MAST2: variants seen among roughly 807,000 people sequenced by gnomAD.
The protein encoded by MAST2 is microtubule-associated serine/threonine-protein kinase 2.
Under a neutral mutation model 147.4 loss-of-function variants are expected in MAST2, and 70 were observed. The observed-to-expected ratio is 0.47, with a 90% CI of 0.39 to 0.58. MAST2 has a LOEUF of 0.58. MAST2 is among the 20% of genes least tolerant of loss of function. MAST2 has a pLI of 0.00. For missense variants in MAST2, 2,080 were observed against 2,302.3 expected, an observed-to-expected ratio of 0.90 and a Z score of 1.98; for synonymous variants, 869 against 896.8, an observed-to-expected ratio of 0.97 and a Z score of 0.55.
chr1:45,876,330 G>A (rs374199545), intron 3 of MAST2, among the ~76,000 whole-genome samples: 1 of 152,264 alleles, frequency 6.6e-6, no homozygotes, highest in South Asian at 2.1e-4. Flanking sequence ...AATTGATAAG[G>A]CAGTATTTGA....
At chr1:46,021,839 A>G (rs778132723) in intron 11 of MAST2, 111 bp from the exon 12 acceptor site, 225 of 1,020,608 alleles carry the variant, frequency 2.2e-4, no homozygotes, top group Non-Finnish European at 5.9e-5. Flanking sequence ...GGAGTGTCCT[A>G]TCACAGAGAA....
At chr1:45,987,380 T>C (rs1644668807) in intron 5 of MAST2, among the ~76,000 whole-genome samples, 1 of 152,068 alleles carries the variant, frequency 6.6e-6, no homozygotes, top group African/African-American at 2.4e-5. Flanking sequence ...GTGGCACAAA[T>C]ATGACTCACT....
Position 45,919,020 on chromosome 1 carries a change from G to A in MAST2, c.500+36625G>A, listed in dbSNP as rs376960790. Among the ~76,000 whole-genome samples the A allele has an allele frequency of 6.6e-5, 10 of 152,234 alleles. No homozygotes were observed. The East Asian group carries it at 1.7e-3, about 27-fold the overall frequency. On this transcript the variant is annotated intron_variant, in intron 4 of 28. Coordinates refer to ENST00000361297, the MANE Select transcript of MAST2 (RefSeq NM_015112.3). ...TACCTGTAATCCCTGCTACTCTGGC[G>A]GCTGAGGTGGGAGGATGGCTTGAGC...
At chr1:45,993,258 C>T (rs1390427526) in intron 5 of MAST2, among the ~76,000 whole-genome samples, 3 of 152,126 alleles carry the variant, frequency 2.0e-5, no homozygotes, top group African/African-American at 7.2e-5. Context: ...TCCATATTTC[C>T]ACCTGGCATC....
At chr1:45,956,748 A>T (rs566642371) in intron 4 of MAST2, among the ~76,000 whole-genome samples, 2 of 152,240 alleles carry the variant, frequency 1.3e-5, no homozygotes, top group Non-Finnish European at 1.5e-5. Flanking sequence ...GGCTTTTGGT[A>T]TGGTGGATAC....
At chr1:45,838,413 G>A (rs549860231) in intron 3 of MAST2, among the ~76,000 whole-genome samples, 1 of 150,978 alleles carries the variant, frequency 6.6e-6, no homozygotes, top group African/African-American at 2.4e-5. Context: ...AATAGAGACG[G>A]GGTTTTGCCA....
intron 3 of MAST2, chr1:45,847,253 C>T (rs1271784803): frequency 2.0e-6 from 1 of 512,104 alleles, no homozygotes; most frequent in Non-Finnish European, 3.9e-6. Context: ...CCTCCCGCTC[C>T]ATCGTCTGCT....
intron 5 of MAST2, among the ~76,000 whole-genome samples, chr1:45,995,233 A>G (rs1040084341): frequency 1.3e-5 from 2 of 152,120 alleles, no homozygotes; most frequent in Non-Finnish European, 1.5e-5. Context: ...GTTCCTCTGT[A>G]TAACATATCT....
chr1:45,890,962 T>C (rs1294089866), intron 4 of MAST2, among the ~76,000 whole-genome samples: 1 of 152,246 alleles, frequency 6.6e-6, no homozygotes, highest in African/African-American at 2.4e-5. Context: ...TGTAAAGCTA[T>C]TGATTTTTAA....
At position 46,006,613 on chromosome 1, in the gene MAST2, TAGC is replaced by T. The variant is rs1026820235; in HGVS notation, c.902+221_902+223del. The T allele has an allele frequency of 1.5e-3, 495 of 341,338 alleles. 2 individuals carry two copies. The highest frequency in any genetic ancestry group is 9.3e-3 in the African/African-American group (439 of 47,180). The allele number at this position is 341,338 out of a possible 1,614,324, so 21.1% of individuals were successfully genotyped here. A position where few individuals can be genotyped will look rare whatever the true frequency, so the allele number is the denominator to read the frequency against. The stretch of plus-strand genomic sequence containing the variant: ...TTATTTACAAAAGAAAAAAAAAAAG[TAGC>T]AGGCCATAGTTAGTCTGCAGGCTGT... On this transcript the variant is annotated intron_variant, in intron 8 of 28. Coordinates refer to ENST00000361297, the MANE Select transcript of MAST2 (RefSeq NM_015112.3).
chr1:46,035,561 C>G lies in MAST2; in HGVS notation c.4892C>G (p.Ser1631Cys). ...CACACCCAGGCACTAACAGCACTTTCTCCCAGCACTTCGGGACTCACCCCC... is the reference window on the plus strand; with the variant it reads ...CACACCCAGGCACTAACAGCACTTTGTCCCAGCACTTCGGGACTCACCCCC... Reference protein sequence around the residue: ...HLHTQALTALSPSTSGLTPTS... With the variant: ...HLHTQALTALCPSTSGLTPTS... The change falls in exon 29 of 29, where the codon TCT (serine) becomes TGT (cysteine). Residue 1631 changes from serine (S) to cysteine (C), a missense_variant. This residue lies in a region of MAST2 where 1,278 missense variants were observed against 1,304.2 expected (regional missense o/e 0.98). Transcript: ENST00000361297. This position sits in a 1 kb window ranked among gnomAD's most constrained non-coding sequence, Gnocchi z 5.5. 4 of 1,613,630 alleles carry G rather than the reference C, an allele frequency of 2.5e-6. No homozygotes were observed. The highest frequency in any genetic ancestry group is 3.4e-6 in the Non-Finnish European group (4 of 1,180,000).
intron 3 of MAST2, among the ~76,000 whole-genome samples, chr1:45,829,815 T>C (rs897324996): frequency 1.3e-5 from 2 of 152,006 alleles, no homozygotes; most frequent in Non-Finnish European, 2.9e-5. Context: ...ACCTTCCAAG[T>C]AGCAGGGACT....
chr1:45,843,548 T>A (rs1279125574), intron 3 of MAST2, among the ~76,000 whole-genome samples: 1 of 152,168 alleles, frequency 6.6e-6, no homozygotes, highest in African/African-American at 2.4e-5. Context: ...AGTTTAGGGC[T>A]ATAGATGTGG....
At chr1:46,006,856 A>G (rs1349827558) in intron 8 of MAST2, among the ~76,000 whole-genome samples, 6 of 152,242 alleles carry the variant, frequency 3.9e-5, no homozygotes, top group Non-Finnish European at 7.3e-5. Context: ...CAATGGTATC[A>G]TCAATTCTGA....
At chr1:45,921,056 C>T (rs1266989934) in intron 4 of MAST2, among the ~76,000 whole-genome samples, 4 of 152,176 alleles carry the variant, frequency 2.6e-5, no homozygotes, top group Non-Finnish European at 5.9e-5. Context: ...AGTGCAGTGG[C>T]GCAATCTCGG....
At chr1:46,017,335 T>G (rs2149268046) in intron 10 of MAST2, among the ~76,000 whole-genome samples, 1 of 152,172 alleles carries the variant, frequency 6.6e-6, no homozygotes, top group East Asian at 1.9e-4. Context: ...GGGATCTAAT[T>G]AAACGAAAGA....
intron 5 of MAST2, among the ~76,000 whole-genome samples, chr1:45,997,116 T>C (rs1645088291): frequency 6.6e-6 from 1 of 152,210 alleles, no homozygotes; most frequent in South Asian, 2.1e-4. Flanking sequence ...TCAAAGCTTC[T>C]GAGCTTTAAG....
At chr1:45,912,314 C>T (rs918850912) in intron 4 of MAST2, among the ~76,000 whole-genome samples, 4 of 152,182 alleles carry the variant, frequency 2.6e-5, no homozygotes, top group Non-Finnish European at 5.9e-5. Flanking sequence ...CCATCACACA[C>T]GTTCGCATTT....
intron 4 of MAST2, among the ~76,000 whole-genome samples, chr1:45,935,191 G>A (rs1399902789): frequency 2.0e-5 from 3 of 152,084 alleles, no homozygotes; most frequent in Non-Finnish European, 4.4e-5. Context: ...GGCTGCTTGT[G>A]TGTCTTCTGA....
Sources: allele counts gnomAD v4.1 joint callset (sites outside exome capture counted in the v4.1 genomes callset), GRCh38; gene constraint gnomAD v4.1.1; regional missense constraint gnomAD v4.1.1; non-coding constraint Gnocchi (gnomAD v3.1); transcripts MANE v1.5; gene names NCBI Gene and HGNC (gene_info 2026-07-23, HGNC 2026-07-21).